Variants in CELF2 observed in about 807,000 individuals in gnomAD.
The protein encoded by CELF2 is CUG triplet repeat RNA-binding protein 2.
CELF2 carries 8 observed loss-of-function variants against 62.6 expected under a neutral mutation model. The ratio of observed to expected loss-of-function variants is 0.13; its 90% CI spans 0.07 to 0.23. The LOEUF (loss-of-function observed/expected upper bound fraction) is 0.23. CELF2 is among the 10% of genes least tolerant of loss of function. The pLI is 1.00. For synonymous variants in CELF2, 258 were observed against 250.0 expected, an observed-to-expected ratio of 1.03 and a Z score of -0.30; for missense variants, 333 against 671.0, an observed-to-expected ratio of 0.50 and a Z score of 5.56.
chr10:11,141,290 A>G (rs1313527819), intron 1 of CELF2, among the ~76,000 whole-genome samples: 1 of 152,200 alleles, frequency 6.6e-6, no homozygotes, highest in Admixed American at 6.5e-5. Context: ...GGCAAAAGGA[A>G]TAAAGGCAAG....
intron 1 of CELF2, among the ~76,000 whole-genome samples, chr10:10,826,950 G>C (rs1044474938): frequency 1.3e-5 from 2 of 152,178 alleles, no homozygotes; most frequent in African/African-American, 4.8e-5. Flanking sequence ...GTCATAACTG[G>C]TTGGGAATAA....
At chr10:11,215,627 C>T (rs371934921) in intron 2 of CELF2, among the ~76,000 whole-genome samples, 31 of 150,230 alleles carry the variant, frequency 2.1e-4, no homozygotes, top group Non-Finnish European at 2.5e-4. Flanking sequence ...TTAAATGAGG[C>T]GGTAATTCAG....
chr10:10,679,498 C>A, the CELF2 span, among the ~76,000 whole-genome samples: 1 of 152,172 alleles, frequency 6.6e-6, no homozygotes, highest in Non-Finnish European at 1.5e-5. Flanking sequence ...CCATGTTGGC[C>A]AGGCTGGTCT....
the CELF2 span, among the ~76,000 whole-genome samples, chr10:10,482,959 C>A: frequency 6.6e-6 from 1 of 152,116 alleles, no homozygotes; most frequent in African/African-American, 2.4e-5. Context: ...ACCTGCCTGG[C>A]CCCTTCCTTC....
At chr10:10,721,847 A>T in the CELF2 span, among the ~76,000 whole-genome samples, 10 of 152,220 alleles carry the variant, frequency 6.6e-5, no homozygotes, top group Non-Finnish European at 1.5e-4. Context: ...CTCTGGATAG[A>T]TCCCAGAGCC....
At chr10:10,830,460 T>C (rs1227016806) in intron 1 of CELF2, among the ~76,000 whole-genome samples, 5 of 152,186 alleles carry the variant, frequency 3.3e-5, no homozygotes, top group African/African-American at 1.2e-4. Context: ...ATAGTTCGTA[T>C]AATATGTCAC....
At chr10:10,726,724 T>C in the CELF2 span, among the ~76,000 whole-genome samples, 1 of 152,230 alleles carries the variant, frequency 6.6e-6, no homozygotes, top group Non-Finnish European at 1.5e-5. Flanking sequence ...TATAAGCACC[T>C]ACCTCAAACA....
In CELF2 at chr10:11,309,520, G is replaced by C. The variant is rs1484237563; in HGVS notation, c.977-4619G>C. Reference sequence around the variant, plus strand: ...AGTTTCTGGCTGCTGTATCTCTGTTGTTTTCACTTCCAGCTGTTAGCCTCC... The same window carrying C: ...AGTTTCTGGCTGCTGTATCTCTGTTCTTTTCACTTCCAGCTGTTAGCCTCC... On this transcript the variant is annotated intron_variant, in intron 9 of 12. Coordinates refer to ENST00000633077, the MANE Select transcript of CELF2 (RefSeq NM_001326342.2). This position sits in a 1 kb window ranked among gnomAD's most constrained non-coding sequence, Gnocchi z 5.6. Among the ~76,000 whole-genome samples the C allele has an allele frequency of 1.3e-5, 2 of 152,114 alleles. No individual in the cohort carries two copies. The highest frequency in any genetic ancestry group is 2.9e-5 in the Non-Finnish European group (2 of 68,016).
the CELF2 span, among the ~76,000 whole-genome samples, chr10:10,686,823 C>A: frequency 9.2e-5 from 14 of 152,256 alleles, no homozygotes; most frequent in Admixed American, 6.5e-4. Flanking sequence ...TAGACTGATA[C>A]AAGCAGGAAG....
At position 10,908,214 on chromosome 10, in the gene CELF2, A is replaced by ATTTTTTTT. The variant is rs796857171; in HGVS notation, c.54-11734_54-11727dup. Among the ~76,000 whole-genome samples the ATTTTTTTT allele has an allele frequency of 9.5e-3, 796 of 83,712 alleles. 158 individuals are homozygous for ATTTTTTTT. The highest frequency in any genetic ancestry group is 0.021 in the Admixed American group (104 of 5,044). 54.9% of individuals were successfully genotyped at this position (83,712 alleles called of 152,430 possible). On this transcript the variant is annotated intron_variant, in intron 1 of 13. Transcript: ENST00000636488. ...TCCTTGTCAAAGAATGTATGAGGGG[A>ATTTTTTTT]TTTTTTTTTTTTTTTTTTTTTTTGA... is the stretch of plus-strand genomic sequence containing the variant.
chr10:11,170,889 C>A (rs693950), intron 2 of CELF2, among the ~76,000 whole-genome samples: 81,539 of 151,928 alleles, frequency 0.54, 23,436 homozygotes, highest in East Asian at 0.84. Context: ...GAACACTTTA[C>A]ATTTTTCTAA....
the CELF2 span, among the ~76,000 whole-genome samples, chr10:10,732,344 T>A: frequency 6.6e-6 from 1 of 152,262 alleles, no homozygotes; most frequent in Non-Finnish European, 1.5e-5. Context: ...CAGGTCCACA[T>A]TGCATCCTTG....
chr10:10,829,818 G>A (rs1280581603), intron 1 of CELF2, among the ~76,000 whole-genome samples: 8 of 152,114 alleles, frequency 5.3e-5, no homozygotes, highest in South Asian at 4.1e-4. Context: ...CTCTCAGCTC[G>A]TCCAGAGGTT....
the CELF2 span, among the ~76,000 whole-genome samples, chr10:10,732,861 C>T: frequency 0.24 from 36,179 of 152,058 alleles, 4,510 homozygotes; most frequent in Admixed American, 0.29. Flanking sequence ...GAATCTGAAC[C>T]TGTTCACCAA....
chr10:11,093,458 A>T (rs576034887), intron 1 of CELF2, among the ~76,000 whole-genome samples: 1 of 152,180 alleles, frequency 6.6e-6, no homozygotes, highest in African/African-American at 2.4e-5. Flanking sequence ...AGGGATGTGG[A>T]GAAGGATGGA....
upstream of CELF2, among the ~76,000 whole-genome samples, chr10:10,797,802 T>C (rs1424240498): frequency 7.9e-5 from 12 of 152,178 alleles, no homozygotes; most frequent in South Asian, 2.1e-4. Flanking sequence ...GCAGTGCTTA[T>C]GAAAATAAGA....
chr10:10,978,706 C>T (rs1332995275), intron 2 of CELF2, among the ~76,000 whole-genome samples: 1 of 152,154 alleles, frequency 6.6e-6, no homozygotes, highest in Non-Finnish European at 1.5e-5. Flanking sequence ...AATAAATTGG[C>T]AAGACTCAAC....
chr10:11,037,743 G>C (rs2061199298), intron 1 of CELF2, among the ~76,000 whole-genome samples: 2 of 152,092 alleles, frequency 1.3e-5, no homozygotes, highest in Non-Finnish European at 2.9e-5. Flanking sequence ...GCCTAGCTTG[G>C]GCTGTTGAGT....
chr10:11,081,478 A>G (rs974808758), intron 1 of CELF2, among the ~76,000 whole-genome samples: 2 of 151,952 alleles, frequency 1.3e-5, no homozygotes, highest in African/African-American at 4.8e-5. Context: ...CACGTTCCCA[A>G]TAGAACATTT....
Sources: gnomAD v4.1 joint callset for allele counts (sites outside exome capture counted in the v4.1 genomes callset) on GRCh38, gnomAD v4.1.1 for gene constraint, Gnocchi (gnomAD v3.1) non-coding constraint, MANE v1.5 for transcripts, NCBI Gene and HGNC (gene_info 2026-07-23, HGNC 2026-07-21) for gene names.